SNX8: variants seen among roughly 807,000 people sequenced by gnomAD.
SNX8 encodes the protein sorting nexin-8.
In SNX8, 25 loss-of-function variants were observed where a neutral mutation model predicts 51.6. The ratio of observed to expected loss-of-function variants is 0.48; its 90% CI spans 0.35 to 0.68. SNX8 has a LOEUF of 0.68. SNX8 is among the 30% of genes least tolerant of loss of function. The pLI is 0.00. For missense variants in SNX8, 695 were observed against 624.0 expected, an observed-to-expected ratio of 1.11 and a Z score of -1.21; for synonymous variants, 324 against 277.0, an observed-to-expected ratio of 1.17 and a Z score of -1.68.
rs116404954 is a variant in SNX8, at chr7:2,322,280, T to C, written c.-66+31942A>G. Among the ~76,000 whole-genome samples, 1,226 of 151,858 alleles carry C rather than the reference T, an allele frequency of 8.1e-3. 16 individuals are homozygous for C. Among genetic ancestry groups the C allele is most frequent in the African/African-American group, 0.028 (1,163 of 41,398 alleles). The stretch of plus-strand genomic sequence containing the variant: ...TGGTGTGGTGGCTCACGCCTATAAT[T>C]GCAGTGCTTTGGGAGGCCAAGGCAG... On this transcript the variant is annotated intron_variant, in intron 1 of 5. Coordinates refer to the SNX8 transcript ENST00000435336.
chr7:2,349,270 G>A (rs1342003199), intron 1 of SNX8, among the ~76,000 whole-genome samples: 5 of 151,576 alleles, frequency 3.3e-5, no homozygotes, highest in African/African-American at 1.2e-4. Flanking sequence ...AACATAAAAT[G>A]TACCATCTTA....
upstream of SNX8, among the ~76,000 whole-genome samples, chr7:2,318,139 G>GGCCTCAATCAGTCCTCCCACCTCA (rs1286260337): frequency 1.3e-5 from 2 of 152,032 alleles, no homozygotes; most frequent in African/African-American, 4.8e-5. Flanking sequence ...TCAAACTCCT[G>GGCCTCAATCAGTCCTCCCACCTCA]GCCTCAATCA....
At chr7:2,286,747 T>C (rs1426288115) in intron 1 of SNX8, among the ~76,000 whole-genome samples, 2 of 151,734 alleles carry the variant, frequency 1.3e-5, no homozygotes, top group East Asian at 2.0e-4. Flanking sequence ...CTCGATCTCC[T>C]GACCTCGTGA....
intron 1 of SNX8, among the ~76,000 whole-genome samples, chr7:2,286,131 C>G (rs1796023033): frequency 6.6e-6 from 1 of 151,854 alleles, no homozygotes; most frequent in African/African-American, 2.4e-5. Context: ...CCTGCCTCAG[C>G]CTTCAGAGCA....
At chr7:2,353,117 G>A (rs1474587668) in intron 1 of SNX8, among the ~76,000 whole-genome samples, 1 of 152,150 alleles carries the variant, frequency 6.6e-6, no homozygotes, top group South Asian at 2.1e-4. Flanking sequence ...AACACAGTGA[G>A]ATGCTATCTA....
At chr7:2,261,363 G>A (rs1194616055) in intron 7 of SNX8, among the ~76,000 whole-genome samples, 1 of 151,968 alleles carries the variant, frequency 6.6e-6, no homozygotes, top group East Asian at 1.9e-4. Context: ...AACCCGGGAG[G>A]CAGAGGTTGC....
At chr7:2,313,615 C>G (rs1300314449) in intron 1 of SNX8, among the ~76,000 whole-genome samples, 1 of 152,048 alleles carries the variant, frequency 6.6e-6, no homozygotes, top group Non-Finnish European at 1.5e-5. Flanking sequence ...GTACTCCCAG[C>G]ACTTTGGGAG....
chr7:2,265,414 C>A (rs1304551782), intron 5 of SNX8, among the ~76,000 whole-genome samples: 3 of 152,170 alleles, frequency 2.0e-5, no homozygotes, highest in Non-Finnish European at 2.9e-5. Context: ...GAGACTGAGG[C>A]AAGAGGATTG....
chr7:2,337,447 AC>A (rs1778851749), intron 1 of SNX8, among the ~76,000 whole-genome samples: 1 of 37,446 alleles, frequency 2.7e-5, no homozygotes, highest in African/African-American at 7.6e-5. Context: ...AGACCCTGTC[AC>A]AAAACAAAAC....
At position 2,267,754 on chromosome 7, in the gene SNX8, T is replaced by C. The variant is rs1431115116; in HGVS notation, c.621+1805A>G. On this transcript the variant is annotated intron_variant, in intron 5 of 10. Coordinates refer to ENST00000222990, the MANE Select transcript of SNX8 (RefSeq NM_013321.4). The stretch of plus-strand genomic sequence containing the variant: ...GCCACCCCGTCTGGGAAGTGAGGAG[T>C]GTCTCTGCCTGGCCGCCCATCGTCT... Among the ~76,000 whole-genome samples the C allele has an allele frequency of 7.6e-3, 831 of 109,526 alleles. 10 individuals carry two copies. The highest frequency in any genetic ancestry group is 0.026 in the African/African-American group (741 of 28,258). 71.9% of individuals were successfully genotyped at this position (109,526 alleles called of 152,430 possible).
intron 10 of SNX8, 114 bp from the exon 11 acceptor site, chr7:2,255,283 G>T: frequency 1.5e-6 from 1 of 665,268 alleles, no homozygotes; most frequent in Non-Finnish European, 2.5e-6. Flanking sequence ...CCTCAGGTGC[G>T]CCAGCTCCTC....
At chr7:2,279,492 C>A (rs1795861865) in intron 1 of SNX8, among the ~76,000 whole-genome samples, 1 of 152,158 alleles carries the variant, frequency 6.6e-6, no homozygotes, top group African/African-American at 2.4e-5. Context: ...TGGCTCACGC[C>A]TGTAATCCTG....
chr7:2,277,614 C>T (rs911699498), intron 2 of SNX8, among the ~76,000 whole-genome samples: 3 of 148,288 alleles, frequency 2.0e-5, no homozygotes, highest in African/African-American at 5.0e-5. Context: ...CCCTGGCTAA[C>T]ATGGTGAAAC....
intron 1 of SNX8, among the ~76,000 whole-genome samples, chr7:2,291,930 AAC>A (rs1796160124): frequency 6.6e-6 from 1 of 152,218 alleles, no homozygotes; most frequent in Non-Finnish European, 1.5e-5. Context: ...GTGCACCCAG[AAC>A]ACGTCTAATG....
chr7:2,319,487 T>C (rs1196538339), intron 1 of SNX8, among the ~76,000 whole-genome samples: 3 of 148,256 alleles, frequency 2.0e-5, no homozygotes, highest in African/African-American at 7.6e-5. Context: ...ATGGCCAACA[T>C]GGTAAAACCC....
chr7:2,293,895 G>C (rs749639387), intron 1 of SNX8, among the ~76,000 whole-genome samples: 2 of 151,572 alleles, frequency 1.3e-5, no homozygotes, highest in Admixed American at 6.6e-5. Context: ...GTACCCGGGA[G>C]GGGGAGGTTG....
chr7:2,322,909 C>T (rs1163624872), intron 1 of SNX8, among the ~76,000 whole-genome samples: 1 of 151,588 alleles, frequency 6.6e-6, no homozygotes, highest in African/African-American at 2.4e-5. Context: ...CCCAGCTACT[C>T]GGGAAGCTGA....
At chr7:2,261,708 T>C (rs1404530972) in intron 7 of SNX8, among the ~76,000 whole-genome samples, 1 of 152,006 alleles carries the variant, frequency 6.6e-6, no homozygotes, top group Non-Finnish European at 1.5e-5. Flanking sequence ...AACAGTGCCC[T>C]CCCTCCGTTT....
In SNX8 at chr7:2,252,073, G is replaced by A. The variant is rs1191374338; in HGVS notation, c.*2983C>T. 6.6e-6 allele frequency: 1 copy of A among 152,224 alleles called. No individual in the cohort carries two copies. Among genetic ancestry groups the A allele is most frequent in the Non-Finnish European group, 1.5e-5 (1 of 68,064 alleles). The allele number at this position is 152,224 out of a possible 1,614,324, so 9.4% of individuals were successfully genotyped here. On this transcript the variant is annotated 3_prime_UTR_variant, in exon 11 of 11. Transcript: ENST00000222990. ...CCCGAGTACCCAGGACACGGACCAC[G>A]AGGACCCAATGAAAATGTCCCCTTT...
Sources: allele counts gnomAD v4.1 joint callset (sites outside exome capture counted in the v4.1 genomes callset), GRCh38; gene constraint gnomAD v4.1.1; transcripts MANE v1.5; gene names NCBI Gene and HGNC (gene_info 2026-07-23, HGNC 2026-07-21).